ZNF723: variants seen among roughly 807,000 people sequenced by gnomAD.
The protein encoded by ZNF723 is zinc finger protein 723, pseudogene.
In ZNF723, 5 loss-of-function variants were observed where a neutral mutation model predicts 9.4. The observed-to-expected ratio is 0.53, with a 90% confidence interval of 0.28 to 1.12. The LOEUF (loss-of-function observed/expected upper bound fraction) is 1.12. Ranked by LOEUF, ZNF723 falls within the 50% of genes most tolerant of loss-of-function variation. The pLI, the probability that ZNF723 is intolerant of heterozygous loss-of-function variation, is 0.10. For synonymous variants in ZNF723, 158 were observed against 168.8 expected, an observed-to-expected ratio of 0.94 and a Z score of 0.49; for missense variants, 450 against 501.5, an observed-to-expected ratio of 0.90 and a Z score of 0.98.
intron 1 of ZNF723, among the ~76,000 whole-genome samples, chr19:22,839,465 G>GTTTTTTTTTTTT (rs1568403960): frequency 1.1e-5 from 1 of 91,070 alleles, no homozygotes; most frequent in African/African-American, 5.9e-5. Flanking sequence ...GTTTTTTTTT[G>GTTTTTTTTTTTT]GTTTTTTTTT....
At chr19:22,826,144 G>C in the ZNF723 span, among the ~76,000 whole-genome samples, 11 of 152,074 alleles carry the variant, frequency 7.2e-5, no homozygotes, top group African/African-American at 2.4e-4. Flanking sequence ...TTGCCCACTG[G>C]GGGCATTGTG....
chr19:22,832,510 G>A (rs1332854466), intron 1 of ZNF723, 128 bp downstream of exon 1: 4 of 1,077,970 alleles, frequency 3.7e-6, no homozygotes, highest in Admixed American at 1.9e-5. Context: ...TTCTAGCCTG[G>A]CCCGGCCTCA....
At chr19:22,828,233 C>T (rs1967057975), upstream of ZNF723, among the ~76,000 whole-genome samples, 1 of 152,148 alleles carries the variant, frequency 6.6e-6, no homozygotes, top group Non-Finnish European at 1.5e-5. Context: ...TATGAAGACA[C>T]CATAACCTGT....
chr19:22,813,702 C>T, the ZNF723 span, among the ~76,000 whole-genome samples: 1 of 151,992 alleles, frequency 6.6e-6, no homozygotes, highest in Non-Finnish European at 1.5e-5. Flanking sequence ...GATTGAGCCA[C>T]TGCACTCCCG....
At chr19:22,844,729 A>C (rs915463073) in intron 1 of ZNF723, among the ~76,000 whole-genome samples, 3 of 152,200 alleles carry the variant, frequency 2.0e-5, no homozygotes, top group Non-Finnish European at 2.9e-5. Flanking sequence ...TTGTGAAAAG[A>C]GTACGGAGTT....
chr19:22,842,319 T>G (rs536941946), intron 1 of ZNF723, among the ~76,000 whole-genome samples: 1 of 151,808 alleles, frequency 6.6e-6, no homozygotes, highest in Non-Finnish European at 1.5e-5. Context: ...GAACTAAGAG[T>G]TTTTTTTAAT....
At chr19:22,847,528 GA>G (rs5827539) in intron 1 of ZNF723, among the ~76,000 whole-genome samples, 22,103 of 144,812 alleles carry the variant, frequency 0.15, 1,567 homozygotes, top group East Asian at 0.19. Flanking sequence ...AGATGTTCTG[GA>G]AAAAAAAAAA....
intron 3 of ZNF723, 68 bp downstream of exon 3, chr19:22,849,361 C>G: frequency 2.1e-6 from 1 of 483,076 alleles, no homozygotes; most frequent in Non-Finnish European, 3.8e-6. Context: ...AAAGCCAGTC[C>G]TTAAAATAGA....
upstream of ZNF723, among the ~76,000 whole-genome samples, chr19:22,829,739 T>C (rs551673582): frequency 9.8e-4 from 149 of 152,352 alleles, no homozygotes; most frequent in Non-Finnish European, 1.7e-3. Context: ...ATAGGTTTTT[T>C]TTCATACTAA....
At chr19:22,830,622 T>G (rs190841628), upstream of ZNF723, among the ~76,000 whole-genome samples, 85 of 152,324 alleles carry the variant, frequency 5.6e-4, no homozygotes, top group Non-Finnish European at 9.7e-4. Context: ...GATCAACAAA[T>G]TCAGTTTATT....
Position 22,845,889 on chromosome 19 carries a change from C to CTTTTTTTTTTTTTT in ZNF723, c.4-2367_4-2354dup, listed in dbSNP as rs1214348571. Among the ~76,000 whole-genome samples, 68 of 124,348 alleles carry CTTTTTTTTTTTTTT rather than the reference C, an allele frequency of 5.5e-4. 2 individuals carry two copies. The highest frequency in any genetic ancestry group is 2.2e-3 in the East Asian group (9 of 4,100). The allele number at this position is 124,348 out of a possible 152,430, so 81.6% of individuals were successfully genotyped here. ...AGGAGGAGATAGGGAAAAAATATGC[C>CTTTTTTTTTTTTTT]TTTTTTTTTTTTTTTTTTAGCTAAA... On this transcript the variant is annotated intron_variant, in intron 1 of 3. Transcript: ENST00000600766.
chr19:22,812,864 G>A, the ZNF723 span, among the ~76,000 whole-genome samples: 4 of 152,182 alleles, frequency 2.6e-5, no homozygotes, highest in African/African-American at 9.7e-5. Context: ...TCCACAGTCT[G>A]TAGGAGAAAC....
chr19:22,813,667 G>A, the ZNF723 span, among the ~76,000 whole-genome samples: 3 of 151,902 alleles, frequency 2.0e-5, no homozygotes, highest in African/African-American at 7.3e-5. Context: ...CTTGAATCCA[G>A]GAGGTGGGTG....
intron 1 of ZNF723, chr19:22,840,298 A>G (rs1156708286): frequency 6.6e-6 from 1 of 150,730 alleles, no homozygotes; most frequent in African/African-American, 2.5e-5. Context: ...CAGCCTCCCA[A>G]GAAGCTGGGA....
At position 22,857,697 on chromosome 19, in the gene ZNF723, T is replaced by C. The variant is rs1967501068; in HGVS notation, c.806T>C (p.Phe269Ser). The C allele has an allele frequency of 4.0e-6, 5 of 1,256,674 alleles. No individual in the cohort carries two copies. The highest frequency in any genetic ancestry group is 5.8e-6 in the Non-Finnish European group (5 of 859,090). 77.8% of individuals were successfully genotyped at this position (1,256,674 alleles called of 1,614,324 possible). ...GAATGTGGCAAAACCTTTAATATGT[T>C]CTCAAGCCTTAATAATCATAAGAGA... Reference protein sequence around the residue: ...CEECGKTFNMFSSLNNHKRIH... With the variant: ...CEECGKTFNMSSSLNNHKRIH... Residue 269 changes from phenylalanine to serine, a missense_variant, in exon 4 of 4, where the codon TTC (phenylalanine) becomes TCC (serine). Coordinates refer to ENST00000600766, the MANE Select transcript of ZNF723 (RefSeq NM_001349726.2).
the ZNF723 span, among the ~76,000 whole-genome samples, chr19:22,817,401 A>G: frequency 6.6e-6 from 1 of 152,006 alleles, no homozygotes; most frequent in African/African-American, 2.4e-5. Context: ...CATATTTCTG[A>G]ATTCATTATG....
At chr19:22,839,906 C>A (rs534340430) in intron 1 of ZNF723, among the ~76,000 whole-genome samples, 1 of 152,096 alleles carries the variant, frequency 6.6e-6, no homozygotes, top group Non-Finnish European at 1.5e-5. Flanking sequence ...GTTAGCCACA[C>A]GTATGCCTCC....
the ZNF723 span, among the ~76,000 whole-genome samples, chr19:22,819,879 C>T: frequency 2.6e-5 from 4 of 152,122 alleles, no homozygotes; most frequent in Non-Finnish European, 5.9e-5. Context: ...GCCCTGCATA[C>T]ATTGTGTATT....
At chr19:22,851,022 G>A (rs940549197) in intron 3 of ZNF723, among the ~76,000 whole-genome samples, 5 of 151,786 alleles carry the variant, frequency 3.3e-5, no homozygotes, top group African/African-American at 1.2e-4. Context: ...ATATTATCTT[G>A]TGTATCTATT....
Sources: gnomAD v4.1 joint callset for allele counts (sites outside exome capture counted in the v4.1 genomes callset) on GRCh38, gnomAD v4.1.1 for gene constraint, MANE v1.5 for transcripts, NCBI Gene and HGNC (gene_info 2026-07-23, HGNC 2026-07-21) for gene names.